The following TBC1D7 variants were observed in gnomAD, a reference collection of about 807,000 sequenced individuals.
TBC1D7 encodes the protein TBC1 domain family member 7.
In TBC1D7, 33 loss-of-function variants were observed where a neutral mutation model predicts 35.3. That is an observed-to-expected ratio of 0.93 (90% confidence interval 0.71 to 1.25). The LOEUF (loss-of-function observed/expected upper bound fraction) is 1.25. TBC1D7 is among the 50% of genes most tolerant of loss of function. The probability of loss-of-function intolerance (pLI) is 0.00; values close to 1 mark genes in which losing one functional copy is unlikely to be tolerated. For synonymous variants in TBC1D7, 135 were observed against 129.5 expected (o/e 1.04, Z -0.29); for missense variants, 362 against 365.3 (o/e 0.99, Z 0.07).
Position 13,304,994 on chromosome 6 carries a change from C to CCCT in TBC1D7, c.*106_*107insAGG. On this transcript the variant is annotated 3_prime_UTR_variant, in exon 8 of 8. Transcript: ENST00000379300. ...ATTGGGGGAAAAAAACCACTTTGAG[C>CCCT]ACCAAAGCAAGAAAAGTGTATTATT... The CCCT allele has an allele frequency of 2.1e-6, 2 of 936,576 alleles. No homozygotes were observed. The highest frequency in any genetic ancestry group is 3.6e-5 in the South Asian group (2 of 55,762). The allele number at this position is 936,576 out of a possible 1,614,324, so 58.0% of individuals were successfully genotyped here.
At chr6:13,307,528 G>A (rs1012416503) in intron 6 of TBC1D7, 72 bp downstream of exon 6, 16 of 1,493,652 alleles carry the variant, frequency 1.1e-5, no homozygotes, top group Non-Finnish European at 1.4e-5. Context: ...TAATCTGAGG[G>A]ATGACCACAT....
At chr6:13,313,158 A>T (rs1365587193) in intron 5 of TBC1D7, among the ~76,000 whole-genome samples, 2 of 152,204 alleles carry the variant, frequency 1.3e-5, no homozygotes, top group Non-Finnish European at 2.9e-5. Flanking sequence ...GGACTTGAAC[A>T]CCCATGAATT....
chr6:13,326,797 A>T lies in TBC1D7; in HGVS notation c.102T>A (p.Asp34Glu). 1 of 1,609,362 alleles carries T rather than the reference A, an allele frequency of 6.2e-7. No homozygotes were observed. The highest frequency in any genetic ancestry group is 1.1e-5 in the South Asian group (1 of 90,874). ...EKKSLEILLKDDRLDTEKLCT... is the reference protein window; with the variant it reads ...EKKSLEILLKEDRLDTEKLCT... ...TTTAAAAGTACTCACCCAGACGGTC[A>T]TCTTTTAGGAGAATTTCTAATGATT... The change falls in exon 2 of 8, where the codon GAT (aspartate) becomes GAA (glutamate). Residue 34 changes from aspartate to glutamate, a missense_variant. Coordinates refer to ENST00000379300, the MANE Select transcript of TBC1D7 (RefSeq NM_016495.6).
At chr6:13,317,092 A>G (rs1414485012) in intron 4 of TBC1D7, among the ~76,000 whole-genome samples, 1 of 152,230 alleles carries the variant, frequency 6.6e-6, no homozygotes, top group Non-Finnish European at 1.5e-5. Flanking sequence ...CAGTAACTGG[A>G]GACATTTTTC....
At chr6:13,311,869 T>A (rs1783238491) in intron 5 of TBC1D7, among the ~76,000 whole-genome samples, 1 of 151,794 alleles carries the variant, frequency 6.6e-6, no homozygotes, top group African/African-American at 2.4e-5. Context: ...AAATAAATCA[T>A]GTGATTTGGC....
At position 13,305,165 on chromosome 6, in the gene TBC1D7, G is replaced by A. The variant is rs147378212; in HGVS notation, c.818C>T (p.Ala273Val). 49 of 1,614,096 alleles carry A rather than the reference G, an allele frequency of 3.0e-5. No individual in the cohort carries two copies. The highest frequency in any genetic ancestry group is 4.0e-5 in the Non-Finnish European group (47 of 1,180,006). ...LENIPQDSSD[A>V]IVSKAIDLWH... ...CAAGTCAATGGCCTTGCTCACGATC[G>A]CGTCTGAGCTGTCCTGGGGAATCTG... The change falls in exon 8 of 8, where the codon GCG becomes GTG. Residue 273 changes from alanine (A) to valine (V), a missense_variant. Transcript: ENST00000379300.
intron 5 of TBC1D7, among the ~76,000 whole-genome samples, chr6:13,312,326 T>C (rs903000180): frequency 1.3e-5 from 2 of 152,180 alleles, no homozygotes; most frequent in African/African-American, 4.8e-5. Context: ...AGTATGTGTC[T>C]GATGCCAACC....
intron 3 of TBC1D7, among the ~76,000 whole-genome samples, chr6:13,324,107 TG>T (rs1247332142): frequency 7.9e-5 from 12 of 151,756 alleles, no homozygotes; most frequent in Middle Eastern, 3.4e-3. Context: ...GTGAACAAAC[TG>T]TAAGTTTTTT....
intron 6 of TBC1D7, 44 bp downstream of exon 6, chr6:13,307,556 C>T (rs1163963967): frequency 3.7e-6 from 6 of 1,607,028 alleles, no homozygotes; most frequent in Non-Finnish European, 5.1e-6. Flanking sequence ...CAGAACTCTG[C>T]TCTAACGCCA....
At chr6:13,320,658 T>C (rs1783968952) in intron 4 of TBC1D7, 2 of 636,716 alleles carry the variant, frequency 3.1e-6, no homozygotes, top group Non-Finnish European at 5.6e-6. Context: ...AAATTCTTGG[T>C]AGTATTCTTG....
chr6:13,314,949 A>G (rs1293464009), intron 5 of TBC1D7, among the ~76,000 whole-genome samples: 1 of 152,230 alleles, frequency 6.6e-6, no homozygotes, highest in Non-Finnish European at 1.5e-5. Flanking sequence ...AGCAAGTACC[A>G]TTCAGTTCTC....
intron 5 of TBC1D7, among the ~76,000 whole-genome samples, chr6:13,312,549 A>G (rs989487288): frequency 6.6e-6 from 1 of 151,878 alleles, no homozygotes; most frequent in African/African-American, 2.4e-5. Context: ...TTAGCCAGGC[A>G]TGGTGCCACA....
intron 5 of TBC1D7, among the ~76,000 whole-genome samples, chr6:13,310,499 G>A (rs1382450716): frequency 2.0e-5 from 3 of 152,204 alleles, no homozygotes; most frequent in African/African-American, 7.2e-5. Flanking sequence ...TTAGCTGGGC[G>A]TGGTGGCATG....
chr6:13,306,442 T>A lies in TBC1D7; in HGVS notation c.751A>T (p.Met251Leu), dbSNP rs201113275. Residue 251 changes from methionine (M) to leucine (L), a missense_variant, in exon 7 of 8, where the codon ATG becomes TTG. Physicochemically the swap from Met to Leu is conservative, Grantham distance 15. Coordinates refer to ENST00000379300, the MANE Select transcript of TBC1D7 (RefSeq NM_016495.6). ...EILLTFKIKV[M>L]ALNSAEKITK... ...ATCTTCTCTGCACTGTTCAGTGCCA[T>A]AACTTTTATTTTAAAGGTTAATAAA... 6.2e-7 allele frequency: 1 copy of A among 1,609,390 alleles called. No homozygotes were observed. Among genetic ancestry groups the A allele is most frequent in the East Asian group, 2.2e-5 (1 of 44,656 alleles).
At chr6:13,326,933 A>G (rs768107986) in intron 1 of TBC1D7, 27 bp from the exon 2 acceptor site, 52 of 1,342,910 alleles carry the variant, frequency 3.9e-5, no homozygotes, top group Non-Finnish European at 4.5e-5. Context: ...AAAGACAGAA[A>G]GGGAGAGAAA....
chr6:13,310,299 A>G (rs1456388497), intron 5 of TBC1D7, among the ~76,000 whole-genome samples: 1 of 152,254 alleles, frequency 6.6e-6, no homozygotes, highest in Non-Finnish European at 1.5e-5. Context: ...AGACAGGTTG[A>G]ATAAACTATA....
intron 4 of TBC1D7, chr6:13,318,625 T>C (rs1043709938): frequency 2.0e-5 from 3 of 152,182 alleles, no homozygotes; most frequent in African/African-American, 7.2e-5. Flanking sequence ...GGATACCTCA[T>C]CATTAACGTC....
At chr6:13,305,863 G>A (rs1017795822) in intron 7 of TBC1D7, 1 of 159,192 alleles carries the variant, frequency 6.3e-6, no homozygotes, top group African/African-American at 2.4e-5. Flanking sequence ...GAAATGAAAT[G>A]GCTTACAAAA....
chr6:13,323,657 G>A (rs1244993911), intron 3 of TBC1D7: 1 of 152,240 alleles, frequency 6.6e-6, no homozygotes, highest in Non-Finnish European at 1.5e-5. Flanking sequence ...AGACATAAAA[G>A]TGCACAGAGA....
Sources: allele counts gnomAD v4.1 joint callset (sites outside exome capture counted in the v4.1 genomes callset), GRCh38; gene constraint gnomAD v4.1.1; transcripts MANE v1.5; gene names NCBI Gene and HGNC (gene_info 2026-07-23, HGNC 2026-07-21).